TANGO6: variants seen among roughly 807,000 people sequenced by gnomAD.
The protein encoded by TANGO6 is transport and Golgi organization protein 6 homolog.
In TANGO6, 90 loss-of-function variants were observed where a neutral mutation model predicts 114.2. The ratio of observed to expected loss-of-function variants is 0.79; its 90% CI spans 0.66 to 0.94. TANGO6 has a LOEUF of 0.94. Ranked by LOEUF, TANGO6 falls within the 40% of genes least tolerant of loss-of-function variation. The pLI is 0.00. For synonymous variants in TANGO6, 477 were observed against 509.8 expected, an observed-to-expected ratio of 0.94 and a Z score of 0.87; for missense variants, 1,274 against 1,315.3, an observed-to-expected ratio of 0.97 and a Z score of 0.49.
chr16:69,070,758 T>G (rs565134460), intron 17 of TANGO6, among the ~76,000 whole-genome samples: 245 of 147,336 alleles, frequency 1.7e-3, no homozygotes, highest in African/African-American at 5.9e-3. Flanking sequence ...ATTATTATTA[T>G]TATTATTATT....
chr16:68,887,149 G>C (rs971261488), intron 7 of TANGO6, among the ~76,000 whole-genome samples: 1 of 152,202 alleles, frequency 6.6e-6, no homozygotes, highest in Non-Finnish European at 1.5e-5. Context: ...TTCTGGAAGA[G>C]CAGTTTTTAT....
chr16:69,065,478 C>T (rs1183113880), intron 17 of TANGO6, among the ~76,000 whole-genome samples: 1 of 152,144 alleles, frequency 6.6e-6, no homozygotes, highest in African/African-American at 2.4e-5. Context: ...CCCTTTTTCT[C>T]AGGAAAAACC....
chr16:68,926,955 C>A (rs961501960), intron 12 of TANGO6: 1 of 153,166 alleles, frequency 6.5e-6, no homozygotes, highest in African/African-American at 2.4e-5. Context: ...AGCTGTAACA[C>A]TCATGCACCT....
rs548463940 is a variant in TANGO6 at position 69,054,450 on chromosome 16, T to C, written c.3108+14029T>C. Among the ~76,000 whole-genome samples the C allele has an allele frequency of 3.9e-5, 6 of 152,324 alleles. No individual in the cohort carries two copies. In the East Asian group the frequency reaches 1.2e-3, roughly 29 times the overall value. Reference sequence around the variant, plus strand: ...ACTCCTGAAATTTTCTGAGATTCTGTGGTACGTTAGGCCTGCTTCTGGGAC... The same window carrying C: ...ACTCCTGAAATTTTCTGAGATTCTGCGGTACGTTAGGCCTGCTTCTGGGAC... On this transcript the variant is annotated intron_variant, in intron 17 of 17. Transcript: ENST00000261778.
intron 14 of TANGO6, among the ~76,000 whole-genome samples, chr16:68,959,996 AC>A (rs1411545376): frequency 6.6e-5 from 10 of 152,154 alleles, no homozygotes; most frequent in Non-Finnish European, 1.3e-4. Context: ...TTGTTTTCTT[AC>A]CTAAATTTGG....
At chr16:68,926,821 A>G (rs1382204167) in intron 12 of TANGO6, 3 of 152,122 alleles carry the variant, frequency 2.0e-5, no homozygotes, top group Non-Finnish European at 2.9e-5. Context: ...AGTGTTTTCA[A>G]ACAGAAAAGT....
At chr16:68,926,143 G>T (rs1245199069) in intron 12 of TANGO6, among the ~76,000 whole-genome samples, 2 of 151,944 alleles carry the variant, frequency 1.3e-5, no homozygotes, top group African/African-American at 2.4e-5. Context: ...AAAAGTCCAT[G>T]ATACAACCGA....
intron 17 of TANGO6, among the ~76,000 whole-genome samples, chr16:69,050,736 C>A (rs1567566215): frequency 2.0e-5 from 3 of 152,070 alleles, no homozygotes; most frequent in Non-Finnish European, 4.4e-5. Flanking sequence ...GATCCACACA[C>A]CTCGGCCTCC....
intron 9 of TANGO6, among the ~76,000 whole-genome samples, chr16:68,905,680 T>C (rs1962840653): frequency 6.6e-6 from 1 of 152,142 alleles, no homozygotes; most frequent in African/African-American, 2.4e-5. Context: ...TTGCCCAGCC[T>C]GGGCAATGTG....
At chr16:69,003,139 A>G in intron 15 of TANGO6, among the ~76,000 whole-genome samples, 1 of 152,088 alleles carries the variant, frequency 6.6e-6, no homozygotes, top group East Asian at 1.9e-4. Flanking sequence ...TCCCCCCTCA[A>G]AGGTATTTTT....
At chr16:68,946,253 A>G (rs1481573759) in intron 14 of TANGO6, among the ~76,000 whole-genome samples, 1 of 150,394 alleles carries the variant, frequency 6.6e-6, no homozygotes, top group East Asian at 2.0e-4. Flanking sequence ...GTGCAGTGGC[A>G]CGATCTCGGC....
At chr16:68,897,161 A>G (rs142787026) in intron 7 of TANGO6, among the ~76,000 whole-genome samples, 1 of 152,192 alleles carries the variant, frequency 6.6e-6, no homozygotes, top group East Asian at 1.9e-4. Context: ...TCTGCCTCCC[A>G]AAGTGCTGGG....
chr16:69,051,002 T>G (rs1959939768), intron 17 of TANGO6, among the ~76,000 whole-genome samples: 1 of 152,016 alleles, frequency 6.6e-6, no homozygotes, highest in Non-Finnish European at 1.5e-5. Flanking sequence ...TATTGTTGAT[T>G]TATTTATTTT....
At chr16:68,936,232 A>AT (rs1437413643) in intron 14 of TANGO6, among the ~76,000 whole-genome samples, 1 of 152,236 alleles carries the variant, frequency 6.6e-6, no homozygotes, top group Non-Finnish European at 1.5e-5. Flanking sequence ...CCCATAGTGT[A>AT]CATTAGATAT....
chr16:68,847,845 C>G (rs1425729769), intron 1 of TANGO6, among the ~76,000 whole-genome samples: 1 of 151,892 alleles, frequency 6.6e-6, no homozygotes, highest in African/African-American at 2.4e-5. Flanking sequence ...ACTAAAAATA[C>G]AAAAATTAGC....
chr16:68,844,605 G>T lies in TANGO6; in HGVS notation c.94+894G>T, dbSNP rs77416029. Among the ~76,000 whole-genome samples, 231 of 152,280 alleles carry T rather than the reference G, an allele frequency of 1.5e-3. 2 individuals carry two copies. In the East Asian group the frequency reaches 0.041, roughly 27 times the overall value. On this transcript the variant is annotated intron_variant, in intron 1 of 17. Transcript: ENST00000261778. ...AGTCTCAGATTTTATACTTAAAACTGCAAAAACTTCTGCAAACATTACACC... is the reference window on the plus strand; with the variant it reads ...AGTCTCAGATTTTATACTTAAAACTTCAAAAACTTCTGCAAACATTACACC...
intron 14 of TANGO6, among the ~76,000 whole-genome samples, chr16:68,939,410 A>G (rs1307739362): frequency 2.0e-5 from 3 of 152,212 alleles, no homozygotes; most frequent in East Asian, 3.9e-4. Flanking sequence ...AACAAAAACC[A>G]TAGTGGAAAC....
At chr16:68,972,937 A>T (rs1963722604) in intron 14 of TANGO6, 2 of 292,156 alleles carry the variant, frequency 6.8e-6, no homozygotes, top group South Asian at 3.0e-5. Context: ...AGCCAGGATC[A>T]CTTGGCCTAC....
intron 15 of TANGO6, among the ~76,000 whole-genome samples, chr16:69,018,370 A>G (rs1249625655): frequency 1.3e-5 from 2 of 149,242 alleles, no homozygotes; most frequent in East Asian, 2.1e-4. Flanking sequence ...GGATGGTCTC[A>G]ATCTCCTGAC....
Sources: allele counts gnomAD v4.1 joint callset (sites outside exome capture counted in the v4.1 genomes callset), GRCh38; gene constraint gnomAD v4.1.1; transcripts MANE v1.5; gene names NCBI Gene and HGNC (gene_info 2026-07-23, HGNC 2026-07-21).